Variants in RANBP17 observed in about 807,000 individuals in gnomAD.
RANBP17 encodes the protein RAN binding protein 17.
A neutral mutation model predicts 141.2 loss-of-function variants in RANBP17; 158 were observed. That is an observed-to-expected ratio of 1.12 (90% confidence interval 0.98 to 1.28). The LOEUF (loss-of-function observed/expected upper bound fraction) is 1.28, where lower values mean the gene tolerates loss of function less well. Among genes scored for constraint, RANBP17 ranks in the 50% most tolerant of loss-of-function variants. The pLI is 0.00. For synonymous variants in RANBP17, 430 were observed against 450.0 expected (o/e 0.96, Z 0.56); for missense variants, 1,438 against 1,290.7 (o/e 1.11, Z -1.75).
intron 14 of RANBP17, among the ~76,000 whole-genome samples, chr5:171,023,429 T>C (rs2127606455): frequency 6.6e-6 from 1 of 152,352 alleles, no homozygotes; most frequent in East Asian, 1.9e-4. Flanking sequence ...AAAATTTTTG[T>C]CACATGTGTG....
At chr5:170,928,399 T>G (rs552481988) in intron 12 of RANBP17, among the ~76,000 whole-genome samples, 19 of 152,220 alleles carry the variant, frequency 1.2e-4, no homozygotes, top group Middle Eastern at 6.8e-3. Context: ...GTTTTTGTAT[T>G]TATGAAATCT....
At chr5:170,914,283 T>A in intron 8 of RANBP17, 43 bp downstream of exon 8, 1 of 1,243,162 alleles carries the variant, frequency 8.0e-7, no homozygotes, top group Admixed American at 1.7e-5. Context: ...AATACCTGTG[T>A]AAATAAGGGG....
chr5:171,252,078 T>C, intron 24 of RANBP17: 1 of 1,600,020 alleles, frequency 6.2e-7, no homozygotes, highest in Non-Finnish European at 8.6e-7. Context: ...ATCTCTTCCA[T>C]AGCATAGCCA....
intron 12 of RANBP17, 136 bp downstream of exon 12, chr5:170,924,686 A>G: frequency 1.8e-6 from 1 of 548,548 alleles, no homozygotes; most frequent in Non-Finnish European, 3.0e-6. Context: ...CATTAATTTT[A>G]TTAACCTCCT....
At chr5:171,285,205 C>A (rs902852570) in intron 25 of RANBP17, among the ~76,000 whole-genome samples, 3 of 152,210 alleles carry the variant, frequency 2.0e-5, no homozygotes, top group Non-Finnish European at 2.9e-5. Flanking sequence ...TTAAAATCAC[C>A]TATCCTATGA....
At chr5:171,199,859 G>A in intron 19 of RANBP17, 86 bp downstream of exon 19, 1 of 710,358 alleles carries the variant, frequency 1.4e-6, no homozygotes, top group Non-Finnish European at 2.4e-6. Flanking sequence ...ATATCTGTGT[G>A]TACTCTTTGC....
At chr5:170,979,383 C>A (rs1022521328) in intron 14 of RANBP17, among the ~76,000 whole-genome samples, 1 of 151,986 alleles carries the variant, frequency 6.6e-6, no homozygotes, top group African/African-American at 2.4e-5. Context: ...TCACATTTAC[C>A]CTCCTGTCCC....
chr5:170,882,743 A>G (rs2127360871), intron 3 of RANBP17, among the ~76,000 whole-genome samples: 1 of 152,334 alleles, frequency 6.6e-6, no homozygotes, highest in South Asian at 2.1e-4. Context: ...AAGATAATTT[A>G]TATATGGATA....
chr5:171,160,281 C>T (rs1482222936), intron 14 of RANBP17, among the ~76,000 whole-genome samples: 2 of 152,120 alleles, frequency 1.3e-5, no homozygotes, highest in Non-Finnish European at 2.9e-5. Context: ...AGTTATGTTA[C>T]CTTTCATTAA....
chr5:171,156,513 C>T (rs1758909882), intron 14 of RANBP17, among the ~76,000 whole-genome samples: 1 of 152,086 alleles, frequency 6.6e-6, no homozygotes, highest in South Asian at 2.1e-4. Context: ...ATGTGTGGAT[C>T]ACTATATTTT....
chr5:170,906,810 ATTC>A (rs1285494754), intron 5 of RANBP17, among the ~76,000 whole-genome samples: 1 of 151,798 alleles, frequency 6.6e-6, no homozygotes, highest in Non-Finnish European at 1.5e-5. Flanking sequence ...TTTCCTCACC[ATTC>A]TTTGGGTTCT....
At chr5:170,882,781 A>G (rs1309994816) in intron 3 of RANBP17, among the ~76,000 whole-genome samples, 1 of 152,214 alleles carries the variant, frequency 6.6e-6, no homozygotes, top group Non-Finnish European at 1.5e-5. Context: ...ACTTGAAAAA[A>G]TGATTTTATA....
intron 14 of RANBP17, among the ~76,000 whole-genome samples, chr5:171,152,718 A>T (rs1430066009): frequency 6.6e-6 from 1 of 152,112 alleles, no homozygotes; most frequent in Non-Finnish European, 1.5e-5. Flanking sequence ...ATACAAACTC[A>T]TACCTGGATC....
At chr5:171,099,605 G>T (rs1358967801) in intron 14 of RANBP17, among the ~76,000 whole-genome samples, 1 of 152,102 alleles carries the variant, frequency 6.6e-6, no homozygotes, top group African/African-American at 2.4e-5. Context: ...TCTTTCTCTT[G>T]CCTGGTTGCC....
intron 22 of RANBP17, among the ~76,000 whole-genome samples, chr5:171,230,143 G>A (rs1246600222): frequency 6.6e-6 from 1 of 152,160 alleles, no homozygotes; most frequent in African/African-American, 2.4e-5. Context: ...GACAAATCAA[G>A]AAAGAATTAT....
intron 14 of RANBP17, among the ~76,000 whole-genome samples, chr5:171,056,247 G>A (rs1368983752): frequency 6.6e-6 from 1 of 152,058 alleles, no homozygotes; most frequent in Non-Finnish European, 1.5e-5. Context: ...GTTTTTTCCT[G>A]TATTCTAATG....
At chr5:171,130,297 A>G (rs972924550) in intron 14 of RANBP17, among the ~76,000 whole-genome samples, 11 of 152,160 alleles carry the variant, frequency 7.2e-5, no homozygotes, top group Admixed American at 1.3e-4. Flanking sequence ...AGGAGAAGAA[A>G]TTGCAAACAG....
At chr5:171,104,944 T>C (rs1294765729) in intron 14 of RANBP17, among the ~76,000 whole-genome samples, 1 of 152,204 alleles carries the variant, frequency 6.6e-6, no homozygotes, top group East Asian at 1.9e-4. Context: ...CAAGGAAAAG[T>C]CATTGGGAAA....
chr5:171,068,720 G>A (rs1784454669), intron 14 of RANBP17, among the ~76,000 whole-genome samples: 2 of 152,008 alleles, frequency 1.3e-5, no homozygotes, highest in African/African-American at 2.4e-5. Flanking sequence ...CCAAGTAGCT[G>A]GGATTACAGG....
Sources: gnomAD v4.1 joint callset for allele counts (sites outside exome capture counted in the v4.1 genomes callset) on GRCh38, gnomAD v4.1.1 for gene constraint, MANE v1.5 for transcripts, NCBI Gene and HGNC (gene_info 2026-07-23, HGNC 2026-07-21) for gene names.